The following MCC variants were observed in gnomAD, a reference collection of about 807,000 sequenced individuals.
MCC encodes colorectal mutant cancer protein.
MCC carries 90 observed loss-of-function variants against 116.2 expected under a neutral mutation model. That is an observed-to-expected ratio of 0.77 (90% CI 0.65 to 0.92). MCC has a LOEUF of 0.92. MCC is among the 40% of genes least tolerant of loss of function. MCC has a pLI of 0.00. For synonymous variants in MCC, 578 were observed against 510.5 expected, an observed-to-expected ratio of 1.13 and a Z score of -1.78; for missense variants, 1,516 against 1,312.2, an observed-to-expected ratio of 1.16 and a Z score of -2.40.
chr5:113,333,873 T>TATGTATATATGTA (rs1767802942), intron 3 of MCC, among the ~76,000 whole-genome samples: 2 of 6,716 alleles, frequency 3.0e-4, no homozygotes, highest in Non-Finnish European at 1.0e-3. Flanking sequence ...ATATATGTAT[T>TATGTATATATGTA]CACATATACA....
chr5:113,084,339 C>T, intron 9 of MCC, 149 bp from the exon 10 acceptor site: 4 of 633,668 alleles, frequency 6.3e-6, no homozygotes, highest in Non-Finnish European at 1.1e-5. Context: ...TTTTCTACCA[C>T]CAGCTTAAGC....
At chr5:113,452,357 A>T (rs1392837327) in intron 1 of MCC, among the ~76,000 whole-genome samples, 1 of 152,210 alleles carries the variant, frequency 6.6e-6, no homozygotes, top group East Asian at 1.9e-4. Context: ...TTAAAACTTA[A>T]TCACCAATGT....
chr5:113,460,371 C>T (rs2150425145), intron 1 of MCC, among the ~76,000 whole-genome samples: 1 of 152,304 alleles, frequency 6.6e-6, no homozygotes. Context: ...TGTGACTTTG[C>T]TCTTTTATTC....
At chr5:113,470,693 G>A (rs1772060870) in intron 1 of MCC, among the ~76,000 whole-genome samples, 1 of 151,728 alleles carries the variant, frequency 6.6e-6, no homozygotes, top group African/African-American at 2.4e-5. Flanking sequence ...TATCTTTGTG[G>A]CATTCTCTGT....
At position 113,230,834 on chromosome 5, in the gene MCC, C is replaced by T. The variant is rs116256537; in HGVS notation, c.628-79412G>A. On this transcript the variant is annotated intron_variant, in intron 3 of 18. Transcript: ENST00000408903. ...AAAATGAAAACTACCATTCCATTGA[C>T]TTTCTCTTCAATCAGTTGAGCTGTA... is the stretch of plus-strand genomic sequence containing the variant. Among the ~76,000 whole-genome samples, 326 of 152,278 alleles carry T rather than the reference C, an allele frequency of 2.1e-3. 2 individuals carry two copies. The highest frequency in any genetic ancestry group is 7.5e-3 in the African/African-American group (310 of 41,572).
intron 3 of MCC, among the ~76,000 whole-genome samples, chr5:113,299,764 C>T (rs913474639): frequency 1.3e-5 from 2 of 152,180 alleles, no homozygotes; most frequent in African/African-American, 2.4e-5. Context: ...GGATTAAGCT[C>T]CTATGGAGAG....
intron 3 of MCC, among the ~76,000 whole-genome samples, chr5:113,264,060 T>A (rs2150349753): frequency 6.6e-6 from 1 of 152,312 alleles, no homozygotes; most frequent in African/African-American, 2.4e-5. Flanking sequence ...AAGAGGCACT[T>A]TGCTCTTTAG....
chr5:113,349,780 T>C (rs911664259), intron 2 of MCC, among the ~76,000 whole-genome samples: 1 of 152,044 alleles, frequency 6.6e-6, no homozygotes, highest in African/African-American at 2.4e-5. Context: ...TATTATCTTA[T>C]ATTTGGAAAA....
At chr5:113,084,908 G>GA (rs1281877159) in intron 9 of MCC, among the ~76,000 whole-genome samples, 1 of 152,198 alleles carries the variant, frequency 6.6e-6, no homozygotes, top group Non-Finnish European at 1.5e-5. Flanking sequence ...TCTCCATAAT[G>GA]ACTTGTCAGC....
rs1352960607 is a variant in MCC, at chr5:113,433,968, G to C, written c.171-48756C>G. On this transcript the variant is annotated intron_variant, in intron 1 of 18. Transcript: ENST00000408903. ...GGTCCACAAGGGTTCAGTTCCCCGG[G>C]AACTCTCCCCCTCCTTGTTGATGGC... is the stretch of plus-strand genomic sequence containing the variant. 2 of 1,613,862 alleles carry C rather than the reference G, an allele frequency of 1.2e-6. No homozygotes were observed. Among genetic ancestry groups the C allele is most frequent in the East Asian group, 2.2e-5 (1 of 44,894 alleles).
chr5:113,219,549 T>C (rs1763461084), intron 3 of MCC, among the ~76,000 whole-genome samples: 1 of 152,230 alleles, frequency 6.6e-6, no homozygotes, highest in South Asian at 2.1e-4. Context: ...ATTACGTTAG[T>C]AATAGTATAT....
intron 1 of MCC, among the ~76,000 whole-genome samples, chr5:113,389,718 G>A (rs2150395019): frequency 6.6e-6 from 1 of 152,262 alleles, no homozygotes; most frequent in East Asian, 1.9e-4. Context: ...TGAGATGTGT[G>A]CAGCACCCAG....
At chr5:113,430,916 G>A (rs1438391811) in intron 1 of MCC, among the ~76,000 whole-genome samples, 1 of 152,140 alleles carries the variant, frequency 6.6e-6, no homozygotes, top group Admixed American at 6.5e-5. Flanking sequence ...AACACTGAGA[G>A]GGGCACATGG....
At chr5:113,372,594 G>A (rs1581434603) in intron 2 of MCC, among the ~76,000 whole-genome samples, 1 of 152,152 alleles carries the variant, frequency 6.6e-6, no homozygotes, top group African/African-American at 2.4e-5. Flanking sequence ...AATGTCCAAT[G>A]TACCACAAAT....
chr5:113,138,300 C>A (rs1475711793), intron 5 of MCC, among the ~76,000 whole-genome samples: 1 of 152,200 alleles, frequency 6.6e-6, no homozygotes, highest in Non-Finnish European at 1.5e-5. Flanking sequence ...CATGAGCCAC[C>A]ACGCCTGGCC....
At chr5:113,192,209 G>C (rs1762183078) in intron 3 of MCC, among the ~76,000 whole-genome samples, 1 of 152,172 alleles carries the variant, frequency 6.6e-6, no homozygotes, top group African/African-American at 2.4e-5. Context: ...AGTAACCAAA[G>C]ACAATACCTG....
intron 2 of MCC, among the ~76,000 whole-genome samples, chr5:113,383,204 C>G (rs1769167532): frequency 6.6e-6 from 1 of 152,030 alleles, no homozygotes; most frequent in Admixed American, 6.5e-5. Flanking sequence ...TATTTTAATG[C>G]TATATAGTAT....
At chr5:113,215,871 A>T (rs2150326036) in intron 3 of MCC, among the ~76,000 whole-genome samples, 1 of 152,322 alleles carries the variant, frequency 6.6e-6, no homozygotes, top group East Asian at 1.9e-4. Context: ...CATTCTACAA[A>T]TATTTAGTAA....
intron 14 of MCC, among the ~76,000 whole-genome samples, chr5:113,054,849 C>G (rs951269251): frequency 2.6e-5 from 4 of 152,204 alleles, no homozygotes; most frequent in Non-Finnish European, 5.9e-5. Context: ...AGGGGGAGCA[C>G]CACTGGAAAA....
Sources: gnomAD v4.1 joint callset for allele counts (sites outside exome capture counted in the v4.1 genomes callset) on GRCh38, gnomAD v4.1.1 for gene constraint, MANE v1.5 for transcripts, NCBI Gene and HGNC (gene_info 2026-07-23, HGNC 2026-07-21) for gene names.